MUC17: variants seen among roughly 807,000 people sequenced by gnomAD.
MUC17 encodes the protein mucin 17, cell surface associated.
Under a neutral mutation model 170.3 loss-of-function variants are expected in MUC17, and 190 were observed. The ratio of observed to expected loss-of-function variants is 1.12; its 90% CI spans 0.99 to 1.26. MUC17 has a LOEUF of 1.26. Ranked by LOEUF, MUC17 falls within the 50% of genes most tolerant of loss-of-function variation. MUC17 has a pLI of 0.00. For missense variants in MUC17, 6,415 were observed against 5,530.0 expected, an observed-to-expected ratio of 1.16 and a Z score of -5.08; for synonymous variants, 2,325 against 2,002.5, an observed-to-expected ratio of 1.16 and a Z score of -4.30.
At chr7:101,054,449 C>T (rs2116483518) in intron 11 of MUC17, among the ~76,000 whole-genome samples, 1 of 152,194 alleles carries the variant, frequency 6.6e-6, no homozygotes, top group Middle Eastern at 3.4e-3. Context: ...TGAGAAATTT[C>T]TCAAAATAGT....
chr7:101,021,862 TAG>T (rs1473665421), intron 1 of MUC17, among the ~76,000 whole-genome samples: 2 of 152,146 alleles, frequency 1.3e-5, no homozygotes, highest in South Asian at 4.1e-4. Flanking sequence ...GGCGTGGGTC[TAG>T]AGAGAGAGCT....
rs565117879 is a variant in MUC17, at chr7:101,036,660, C to T, written c.5244C>T (p.Thr1748=). 12 of 1,608,898 alleles carry T rather than the reference C, an allele frequency of 7.5e-6. No homozygotes were observed. The Admixed American group carries it at 1.0e-4, about 14-fold the overall frequency. The change falls in exon 3 of 13, where the codon ACC becomes ACT. Residue 1748 remains threonine, a synonymous_variant. Transcript: ENST00000306151. The part of the protein sequence containing the change: ...SMPNSTPSEG[T]TPLTSIPVST... ...CAAACTCAACTCCTAGTGAAGGAAC[C>T]ACTCCATTAACAAGTATACCTGTCA...
chr7:101,057,390 C>T (rs1043439564), intron 12 of MUC17, among the ~76,000 whole-genome samples: 5 of 152,074 alleles, frequency 3.3e-5, no homozygotes, highest in Admixed American at 6.5e-5. Context: ...ACCTACCTGG[C>T]GGGGAGGGGA....
Position 101,043,412 on chromosome 7 carries a change from C to T in MUC17, c.11996C>T (p.Ala3999Val), listed in dbSNP as rs201522415. The T allele has an allele frequency of 4.3e-6, 7 of 1,614,154 alleles. 1 individual carries two copies. The Middle Eastern group carries it at 6.6e-4, about 152-fold the overall frequency. ...TTTACAACACCCGCAATGACTACTG[C>T]AGCTCCCCTCACATATGTGACCATG... ...KEFTTPAMTTAAPLTYVTMST... is the reference protein window; with the variant it reads ...KEFTTPAMTTVAPLTYVTMST... The change falls in exon 3 of 13, where the codon GCA becomes GTA. Residue 3999 changes from alanine to valine, a missense_variant. Transcript: ENST00000306151.
chr7:101,058,073 G>A lies in MUC17; in HGVS notation c.*29G>A. The A allele has an allele frequency of 6.2e-7, 1 of 1,605,172 alleles. No individual in the cohort carries two copies. Among genetic ancestry groups the A allele is most frequent in the East Asian group, 2.2e-5 (1 of 44,794 alleles). ...ATGGAGCTGAGAAGTCTGGGAGTGA[G>A]GAGATCCCAGTCCGGCTAAGCTTGG... On this transcript the variant is annotated 3_prime_UTR_variant, in exon 13 of 13. Transcript: ENST00000306151.
In MUC17 at chr7:101,037,504, G is replaced by A. The variant is rs997486480; in HGVS notation, c.6088G>A (p.Gly2030Arg). Residue 2030 changes from glycine (G) to arginine (R), a missense_variant, in exon 3 of 13, where the codon GGA becomes AGA. Gly to Arg is a moderately radical substitution (Grantham distance 125). Coordinates refer to ENST00000306151, the MANE Select transcript of MUC17 (RefSeq NM_001040105.2). ...TEGSSSPTTAGGTSIQTSTPS... is the reference protein window; with the variant it reads ...TEGSSSPTTARGTSIQTSTPS... ...AGGCAGTTCATCTCCTACAACTGCA[G>A]GAGGTACCAGCATACAAACCTCAAC... 5 of 1,613,566 alleles carry A rather than the reference G, an allele frequency of 3.1e-6. No homozygotes were observed. The highest frequency in any genetic ancestry group is 1.6e-4 in the Middle Eastern group (1 of 6,082).
chr7:101,055,906 A>G (rs1338728070), intron 11 of MUC17, among the ~76,000 whole-genome samples: 1 of 152,246 alleles, frequency 6.6e-6, no homozygotes, highest in African/African-American at 2.4e-5. Context: ...TCAAGTGTCT[A>G]AATAATGTAT....
At chr7:101,046,864 G>T (rs2116466912) in intron 3 of MUC17, among the ~76,000 whole-genome samples, 1 of 152,094 alleles carries the variant, frequency 6.6e-6, no homozygotes, top group Non-Finnish European at 1.5e-5. Context: ...TGGATCACAA[G>T]GTCAGGAGAT....
rs148897251 is a variant in MUC17 at position 101,048,021 on chromosome 7, C to T, written c.12441C>T (p.Cys4147=). 164 of 1,606,490 alleles carry T rather than the reference C, an allele frequency of 1.0e-4. No individual in the cohort carries two copies. The highest frequency in any genetic ancestry group is 1.3e-4 in the Non-Finnish European group (148 of 1,177,038). Residue 4147 remains cysteine, a synonymous_variant, in exon 4 of 13, where the codon TGC becomes TGT. Transcript: ENST00000306151. ...GDGCQNTASR[C]KNGGTWDGLK... ...GGTGCCAGAATACGGCCTCTCGCTG[C>T]AAGAATGGAGGCACCTGGGATGGGC...
intron 11 of MUC17, 90 bp from the exon 12 acceptor site, chr7:101,056,104 C>T (rs895331910): frequency 3.2e-6 from 5 of 1,573,834 alleles, no homozygotes; most frequent in Admixed American, 3.5e-5. Context: ...GAAAAACTGT[C>T]TCATCCTCCA....
At chr7:101,021,181 C>CTTTTT (rs60346243) in intron 1 of MUC17, among the ~76,000 whole-genome samples, 1 of 84,130 alleles carries the variant, frequency 1.2e-5, no homozygotes, top group Non-Finnish European at 2.2e-5. Flanking sequence ...CTGTCTCCTC[C>CTTTTT]TTTTTTTTTT....
intron 9 of MUC17, 39 bp from the exon 10 acceptor site, chr7:101,052,947 G>T: frequency 2.5e-6 from 4 of 1,592,034 alleles, no homozygotes; most frequent in Non-Finnish European, 3.4e-6. Flanking sequence ...TGCTGACTCC[G>T]TTCTCTCTCC....
Position 101,036,706 on chromosome 7 carries a change from T to A in MUC17, c.5290T>A (p.Ser1764Thr). The change falls in exon 3 of 13, where the codon TCT (serine) becomes ACT (threonine). Residue 1764 changes from serine (S) to threonine (T), a missense_variant. Coordinates refer to ENST00000306151, the MANE Select transcript of MUC17 (RefSeq NM_001040105.2). ...IPVSTTPVLS[S>T]EASTLSATPI... Reference sequence around the variant, plus strand: ...TGTCAGCACCACGCCGGTACTCAGTTCTGAGGCTAGCACCCTTTCAGCAAC... The same window carrying A: ...TGTCAGCACCACGCCGGTACTCAGTACTGAGGCTAGCACCCTTTCAGCAAC... The A allele has an allele frequency of 9.3e-6, 15 of 1,611,614 alleles. No homozygotes were observed. Among genetic ancestry groups the A allele is most frequent in the Non-Finnish European group, 1.3e-5 (15 of 1,179,158 alleles).
intron 1 of MUC17, 53 bp downstream of exon 1, chr7:101,020,270 C>A: frequency 6.8e-7 from 1 of 1,476,152 alleles, no homozygotes; most frequent in Non-Finnish European, 9.3e-7. Flanking sequence ...CAGGGGCCAG[C>A]CTGCTCTGTC....
Position 101,035,653 on chromosome 7 carries a change from G to C in MUC17, c.4237G>C (p.Ala1413Pro). 6.2e-7 allele frequency: 1 copy of C among 1,609,762 alleles called. No homozygotes were observed. Among genetic ancestry groups the C allele is most frequent in the East Asian group, 2.2e-5 (1 of 44,806 alleles). Residue 1413 changes from alanine (A) to proline (P), a missense_variant, in exon 3 of 13, where the codon GCT becomes CCT. Coordinates refer to ENST00000306151, the MANE Select transcript of MUC17 (RefSeq NM_001040105.2). ...CACCACGCCGGTAGTCAGTTCTGAG[G>C]CTAGCACCCTTTCAGCAACTCCTGT... is the stretch of plus-strand genomic sequence containing the variant. ...VSTTPVVSSE[A>P]STLSATPVDT...
chr7:101,028,155 G>A (rs1157665403), intron 1 of MUC17, among the ~76,000 whole-genome samples: 1 of 147,800 alleles, frequency 6.8e-6, no homozygotes, highest in Non-Finnish European at 1.5e-5. Flanking sequence ...GCAGTGGCAC[G>A]ATCTTGGCTC....
chr7:101,034,711 G>C lies in MUC17; in HGVS notation c.3295G>C (p.Gly1099Arg). The change falls in exon 3 of 13, where the codon GGA (glycine) becomes CGA (arginine). Residue 1099 changes from glycine to arginine, a missense_variant. By Grantham distance (125) the Gly-to-Arg change is moderately radical. Coordinates refer to ENST00000306151, the MANE Select transcript of MUC17 (RefSeq NM_001040105.2). ...CATGCCAACCTCAACTTATAGTGAA[G>C]GAAGCACTCCACTAACAAGTGTGCC... ...TSMPTSTYSE[G>R]STPLTSVPVS... 1 of 1,606,680 alleles carries C rather than the reference G, an allele frequency of 6.2e-7. No individual in the cohort carries two copies. Among genetic ancestry groups the C allele is most frequent in the Non-Finnish European group, 8.5e-7 (1 of 1,175,764 alleles).
At position 101,058,508 on chromosome 7, in the gene MUC17, C is replaced by G. The variant is rs1374513688; in HGVS notation, c.*464C>G. On this transcript the variant is annotated 3_prime_UTR_variant, in exon 13 of 13. Coordinates refer to ENST00000306151, the MANE Select transcript of MUC17 (RefSeq NM_001040105.2). The stretch of plus-strand genomic sequence containing the variant: ...GCTTCAGTCAAAGGCATACAAGTAT[C>G]TATCTGGACTTCCCTGCTAGCACTT... 2.6e-5 allele frequency: 4 copies of G among 153,402 alleles called. No individual in the cohort carries two copies. Among genetic ancestry groups the G allele is most frequent in the African/African-American group, 9.6e-5 (4 of 41,490 alleles). 9.5% of individuals were successfully genotyped at this position (153,402 alleles called of 1,614,324 possible).
rs149568107 is a variant in MUC17 at position 101,042,017 on chromosome 7, C to A, written c.10601C>A (p.Ala3534Asp). ...ACCACACCGGTGGCCAGTTCTGAGGCTAGCACCCTTTCAACAACTCCTGTT... is the reference window on the plus strand; with the variant it reads ...ACCACACCGGTGGCCAGTTCTGAGGATAGCACCCTTTCAACAACTCCTGTT... ...VSTTPVASSE[A>D]STLSTTPVDS... Residue 3534 changes from alanine (A) to aspartate (D), a missense_variant, in exon 3 of 13, where the codon GCT becomes GAT. By Grantham distance (126) the Ala-to-Asp change is moderately radical. Transcript: ENST00000306151. The A allele has an allele frequency of 6.2e-7, 1 of 1,612,854 alleles. No homozygotes were observed. Among genetic ancestry groups the A allele is most frequent in the African/African-American group, 1.3e-5 (1 of 74,406 alleles).
Sources: gnomAD v4.1 joint callset for allele counts (sites outside exome capture counted in the v4.1 genomes callset) on GRCh38, gnomAD v4.1.1 for gene constraint, MANE v1.5 for transcripts, NCBI Gene and HGNC (gene_info 2026-07-23, HGNC 2026-07-21) for gene names.